URGCP: variants seen among roughly 807,000 people sequenced by gnomAD.
URGCP encodes the protein up-regulator of cell proliferation.
A neutral mutation model predicts 24.6 loss-of-function variants in URGCP; 13 were observed. The ratio of observed to expected loss-of-function variants is 0.53; its 90% CI spans 0.34 to 0.84. The LOEUF (loss-of-function observed/expected upper bound fraction) is 0.84. Among genes scored for constraint, URGCP ranks in the 40% least tolerant of loss-of-function variants. The pLI is 0.01. For synonymous variants in URGCP, 444 were observed against 487.2 expected (o/e 0.91, Z 1.17); for missense variants, 899 against 1,194.3 (o/e 0.75, Z 3.64).
intron 1 of URGCP, chr7:43,919,754 C>T: frequency 7.3e-7 from 1 of 1,362,346 alleles, no homozygotes; most frequent in Non-Finnish European, 1.1e-6. Flanking sequence ...TCCTGTTGGG[C>T]CCCACCAGCA....
chr7:43,881,676 T>C lies in URGCP; in HGVS notation c.185A>G (p.Asp62Gly). 1 of 1,614,044 alleles carries C rather than the reference T, an allele frequency of 6.2e-7. No individual in the cohort carries two copies. The highest frequency in any genetic ancestry group is 8.5e-7 in the Non-Finnish European group (1 of 1,180,012). The change falls in exon 5 of 6, where the codon GAC becomes GGC. Residue 62 changes from aspartate to glycine, a missense_variant. Coordinates refer to ENST00000453200, the MANE Select transcript of URGCP (RefSeq NM_001077663.3). ...ATGCTTACCTGTTGGAAAATCATTG[T>C]CCTGAGCCTCATTTGTACCATCTAT... is the stretch of plus-strand genomic sequence containing the variant. ...RYGDGTNEAQ[D>G]NDFPTVERSR...
chr7:43,901,834 G>A lies in URGCP; in HGVS notation c.14+4728C>T, dbSNP rs181129500. The stretch of plus-strand genomic sequence containing the variant: ...TGGTGGGAGAGAATCTTCCTGGACA[G>A]CAAAGACAAAAGGTTAAAAGTCAAG... On this transcript the variant is annotated intron_variant, in intron 1 of 5. Coordinates refer to ENST00000453200, the MANE Select transcript of URGCP (RefSeq NM_001077663.3). 4.6e-5 allele frequency among the ~76,000 whole-genome samples: 7 copies of A among 152,306 alleles called. No homozygotes were observed. In the East Asian group the frequency reaches 1.2e-3, roughly 25 times the overall value.
intron 1 of URGCP, chr7:43,905,904 T>C (rs2095901141): frequency 6.6e-6 from 1 of 152,236 alleles, no homozygotes; most frequent in South Asian, 2.1e-4. Context: ...GTCGCCATCA[T>C]TTCCTAAAAG....
intron 3 of URGCP, among the ~76,000 whole-genome samples, chr7:43,885,102 ATT>A (rs10707770): frequency 0.013 from 1,990 of 147,832 alleles, 13 homozygotes; most frequent in African/African-American, 0.018. Context: ...GTATAGTATA[ATT>A]TTTTTTTTTT....
intron 3 of URGCP, among the ~76,000 whole-genome samples, chr7:43,883,608 G>A (rs2095858018): frequency 6.6e-6 from 1 of 151,856 alleles, no homozygotes; most frequent in South Asian, 2.1e-4. Context: ...TGATCCACCT[G>A]CCTTGGCCTC....
intron 3 of URGCP, among the ~76,000 whole-genome samples, chr7:43,884,993 T>C (rs551357618): frequency 9.3e-4 from 142 of 152,248 alleles, no homozygotes; most frequent in Middle Eastern, 6.8e-3. Flanking sequence ...TTTGGGGGCA[T>C]GGGTTTTCTT....
At chr7:43,919,392 G>GT in intron 1 of URGCP, 1 of 864,722 alleles carries the variant, frequency 1.2e-6, no homozygotes. Context: ...CAACCAGCTG[G>GT]TGTCCACCAT....
intron 1 of URGCP, among the ~76,000 whole-genome samples, chr7:43,901,359 T>C (rs1274996782): frequency 2.0e-5 from 3 of 152,076 alleles, no homozygotes; most frequent in African/African-American, 7.2e-5. Flanking sequence ...CATGGGCAGG[T>C]GAGTGAAGTT....
At chr7:43,906,612 T>C (rs2095903664), upstream of URGCP, 1 of 1,187,928 alleles carries the variant, frequency 8.4e-7, no homozygotes, top group East Asian at 3.9e-5. Context: ...CTCCTTCGCT[T>C]CCTCCGCGCG....
intron 1 of URGCP, chr7:43,889,035 T>C (rs1274010871): frequency 6.6e-6 from 1 of 152,182 alleles, no homozygotes; most frequent in Non-Finnish European, 1.5e-5. Flanking sequence ...TCTAGGACAA[T>C]GTGAGCACAA....
chr7:43,912,826 T>G (rs1166850178), intron 1 of URGCP, among the ~76,000 whole-genome samples: 1 of 152,084 alleles, frequency 6.6e-6, no homozygotes, highest in Non-Finnish European at 1.5e-5. Flanking sequence ...TTTGTTTTTC[T>G]GTGAATGTCT....
At chr7:43,904,578 T>C (rs1333029965) in intron 1 of URGCP, among the ~76,000 whole-genome samples, 1 of 152,210 alleles carries the variant, frequency 6.6e-6, no homozygotes, top group East Asian at 1.9e-4. Context: ...AGCTAGACTC[T>C]GATCTACCAG....
intron 3 of URGCP, 85 bp downstream of exon 3, chr7:43,887,330 G>C: frequency 1.3e-6 from 2 of 1,506,940 alleles, no homozygotes; most frequent in South Asian, 1.2e-5. Context: ...CCAAGTCCAG[G>C]AGGGGCTGGA....
chr7:43,922,113 G>A (rs1417009667), intron 1 of URGCP, among the ~76,000 whole-genome samples: 1 of 152,190 alleles, frequency 6.6e-6, no homozygotes, highest in Admixed American at 6.5e-5. Flanking sequence ...CACCCAGGCT[G>A]GAGTGCAGTG....
At position 43,876,870 on chromosome 7, in the gene URGCP, G is replaced by A. The variant is rs2095845304; in HGVS notation, c.2593C>T (p.Leu865=). 1 of 1,614,064 alleles carries A rather than the reference G, an allele frequency of 6.2e-7. No homozygotes were observed. Among genetic ancestry groups the A allele is most frequent in the Non-Finnish European group, 8.5e-7 (1 of 1,180,036 alleles). ...TGCTTCTCAGGGTCGCAGAAGGCCA[G>A]GCCTGCCAGTGCCCGGAAGCCGTCG... ...QGDGFRALAG[L]AFCDPEKQHI... The change falls in exon 6 of 6, where the codon CTG becomes TTG. Residue 865 remains leucine, a synonymous_variant. Transcript: ENST00000453200.
At chr7:43,906,462 C>T (rs1295181593) in intron 1 of URGCP, 100 bp downstream of exon 1, 17 of 1,073,328 alleles carry the variant, frequency 1.6e-5, no homozygotes, top group African/African-American at 3.4e-5. Context: ...GGGTCCGGGC[C>T]GCATCCCAGA....
intron 1 of URGCP, among the ~76,000 whole-genome samples, chr7:43,890,251 G>T (rs1405005027): frequency 1.5e-5 from 2 of 130,116 alleles, no homozygotes; most frequent in Admixed American, 8.8e-5. Context: ...GTCTCGCTCT[G>T]TTGCCCAGGC....
In URGCP at chr7:43,876,428, G is replaced by A; in HGVS notation, c.*239C>T. On this transcript the variant is annotated 3_prime_UTR_variant, in exon 6 of 6. Coordinates refer to ENST00000453200, the MANE Select transcript of URGCP (RefSeq NM_001077663.3). ...AGGAGCTGAGACAGAACAAACTGCT[G>A]CTTGTCTCCCTACCCTGGGGGCTGT... 2 of 545,168 alleles carry A rather than the reference G, an allele frequency of 3.7e-6. No homozygotes were observed. The highest frequency in any genetic ancestry group is 6.5e-6 in the Non-Finnish European group (2 of 306,436). The allele number at this position is 545,168 out of a possible 1,614,324, so 33.8% of individuals were successfully genotyped here.
At chr7:43,906,535 G>T in intron 1 of URGCP, 27 bp downstream of exon 1, 1 of 1,221,596 alleles carries the variant, frequency 8.2e-7, no homozygotes, top group Middle Eastern at 3.2e-4. Flanking sequence ...AGCCGCGGGG[G>T]CGCAGGGCCT....
Sources: gnomAD v4.1 joint callset for allele counts (sites outside exome capture counted in the v4.1 genomes callset) on GRCh38, gnomAD v4.1.1 for gene constraint, MANE v1.5 for transcripts, NCBI Gene and HGNC (gene_info 2026-07-23, HGNC 2026-07-21) for gene names.